EHMT1: variants seen among roughly 807,000 people sequenced by gnomAD.
EHMT1 encodes euchromatic histone lysine methyltransferase 1.
Under a neutral mutation model 147.2 loss-of-function variants are expected in EHMT1, and 15 were observed. The observed-to-expected ratio is 0.10, with a 90% CI of 0.07 to 0.16. The LOEUF (loss-of-function observed/expected upper bound fraction) is 0.16, where lower values mean the gene tolerates loss of function less well. Among genes scored for constraint, EHMT1 ranks in the 10% least tolerant of loss-of-function variants. The pLI is 1.00. For synonymous variants in EHMT1, 795 were observed against 709.6 expected, an observed-to-expected ratio of 1.12 and a Z score of -1.91; for missense variants, 1,587 against 1,772.4, an observed-to-expected ratio of 0.90 and a Z score of 1.88.
chr9:137,623,140 G>T (rs921016700), intron 1 of EHMT1, among the ~76,000 whole-genome samples: 5 of 151,406 alleles, frequency 3.3e-5, no homozygotes, highest in African/African-American at 1.2e-4. Context: ...GTGAACCCGG[G>T]AGGTGGAGCT....
intron 1 of EHMT1, among the ~76,000 whole-genome samples, chr9:137,652,727 CTT>C (rs60537357): frequency 8.9e-5 from 12 of 134,456 alleles, no homozygotes; most frequent in Non-Finnish European, 8.1e-5. Flanking sequence ...AGAAGTTAAA[CTT>C]TTTTTTTTTT....
At chr9:137,684,274 C>G (rs987288783) in intron 1 of EHMT1, among the ~76,000 whole-genome samples, 3 of 152,152 alleles carry the variant, frequency 2.0e-5, no homozygotes, top group Non-Finnish European at 2.9e-5. Flanking sequence ...CTCAAGCAAT[C>G]TGCCCGCCTT....
intron 1 of EHMT1, among the ~76,000 whole-genome samples, chr9:137,688,287 G>T (rs1942633057): frequency 6.6e-6 from 1 of 152,246 alleles, no homozygotes. Flanking sequence ...GCCTTCCAAA[G>T]TGCTGGGATT....
chr9:137,705,758 C>T (rs1944214068), intron 1 of EHMT1, among the ~76,000 whole-genome samples: 1 of 152,202 alleles, frequency 6.6e-6, no homozygotes, highest in South Asian at 2.1e-4. Context: ...AGGCACTGCA[C>T]TCAGTCTCTT....
intron 1 of EHMT1, among the ~76,000 whole-genome samples, chr9:137,628,651 A>G (rs1843420712): frequency 1.3e-5 from 2 of 152,208 alleles, no homozygotes; most frequent in Admixed American, 6.6e-5. Flanking sequence ...TCCTATGAAA[A>G]GGGCTGCCTG....
intron 10 of EHMT1, among the ~76,000 whole-genome samples, chr9:137,768,650 C>A (rs1225580465): frequency 2.8e-5 from 4 of 142,178 alleles, no homozygotes; most frequent in Admixed American, 7.1e-5. Context: ...CCCGGGTTCA[C>A]GCCATTCTCC....
chr9:137,639,503 T>C (rs1390264996), intron 1 of EHMT1, among the ~76,000 whole-genome samples: 1 of 152,230 alleles, frequency 6.6e-6, no homozygotes, highest in Non-Finnish European at 1.5e-5. Context: ...TTATCTTGCG[T>C]GTGTTTATAG....
intron 1 of EHMT1, chr9:137,665,100 C>T (rs1939489191): frequency 1.3e-5 from 2 of 152,160 alleles, no homozygotes; most frequent in Non-Finnish European, 2.9e-5. Flanking sequence ...GTGTTATTTA[C>T]TTTCATGTGA....
chr9:137,722,098 C>T (rs1417101920), intron 3 of EHMT1, among the ~76,000 whole-genome samples: 1 of 152,014 alleles, frequency 6.6e-6, no homozygotes, highest in Admixed American at 6.6e-5. Context: ...TGGATGGCGC[C>T]CCAGTCACAG....
At chr9:137,750,419 TA>T (rs1359497239) in intron 6 of EHMT1, among the ~76,000 whole-genome samples, 1 of 152,162 alleles carries the variant, frequency 6.6e-6, no homozygotes, top group Non-Finnish European at 1.5e-5. Context: ...ATATCAGACC[TA>T]AAAAGTTAGT....
intron 1 of EHMT1, among the ~76,000 whole-genome samples, chr9:137,683,056 T>TAG (rs1942111478): frequency 6.6e-6 from 1 of 152,246 alleles, no homozygotes; most frequent in African/African-American, 2.4e-5. Flanking sequence ...TTTCCACAGC[T>TAG]AGATTCAGTT....
At chr9:137,801,262 G>A (rs1484707766) in intron 18 of EHMT1, among the ~76,000 whole-genome samples, 3 of 152,166 alleles carry the variant, frequency 2.0e-5, no homozygotes, top group African/African-American at 7.2e-5. Flanking sequence ...GGCTGTGCCT[G>A]GGCCTGAGGC....
At chr9:137,747,625 G>A (rs1312198685) in intron 6 of EHMT1, 1 of 152,170 alleles carries the variant, frequency 6.6e-6, no homozygotes, top group Non-Finnish European at 1.5e-5. Context: ...ACGTATATGT[G>A]TTTTTAAAAA....
At chr9:137,784,622 A>C in intron 15 of EHMT1, 1 of 180,716 alleles carries the variant, frequency 5.5e-6, no homozygotes, top group Non-Finnish European at 1.1e-5. Flanking sequence ...TCTCACATGC[A>C]GACTTGACTT....
intron 25 of EHMT1, among the ~76,000 whole-genome samples, chr9:137,823,801 A>G (rs1017480384): frequency 1.4e-5 from 2 of 146,630 alleles, no homozygotes. Context: ...CAGGTGACCC[A>G]CCCGCCTCAG....
At position 137,622,155 on chromosome 9, in the gene EHMT1, A is replaced by G. The variant is rs190760718; in HGVS notation, c.21+3106A>G. On this transcript the variant is annotated intron_variant, in intron 1 of 26. Transcript: ENST00000460843. Reference sequence around the variant, plus strand: ...TCTTTTTGAGAATGAGTCTTGATCTATTGCCCAGGCTGGAGTGCAGTGGCC... The same window carrying G: ...TCTTTTTGAGAATGAGTCTTGATCTGTTGCCCAGGCTGGAGTGCAGTGGCC... Among the ~76,000 whole-genome samples, 127 of 119,774 alleles carry G rather than the reference A, an allele frequency of 1.1e-3. 1 individual carries two copies. In the East Asian group the frequency reaches 0.029, roughly 27 times the overall value. 78.6% of individuals were successfully genotyped at this position (119,774 alleles called of 152,430 possible). A position where few individuals can be genotyped will look rare whatever the true frequency, so the allele number is the denominator to read the frequency against.
At chr9:137,760,780 T>G (rs4979635) in intron 9 of EHMT1, among the ~76,000 whole-genome samples, 11 of 151,910 alleles carry the variant, frequency 7.2e-5, no homozygotes, top group African/African-American at 2.4e-4. Context: ...GAGGCCGAGG[T>G]GGGCAGATCA....
At chr9:137,622,993 G>A (rs1843028112) in intron 1 of EHMT1, among the ~76,000 whole-genome samples, 1 of 151,386 alleles carries the variant, frequency 6.6e-6, no homozygotes, top group African/African-American at 2.4e-5. Context: ...GGTGGATCAC[G>A]AGGTCAGGAG....
At chr9:137,801,725 C>T (rs1325142855) in intron 18 of EHMT1, among the ~76,000 whole-genome samples, 9 of 151,890 alleles carry the variant, frequency 5.9e-5, no homozygotes, top group Non-Finnish European at 1.3e-4. Context: ...TCTTGAACCC[C>T]GACCTCAGGT....
Sources: gnomAD v4.1 joint callset for allele counts (sites outside exome capture counted in the v4.1 genomes callset) on GRCh38, gnomAD v4.1.1 for gene constraint, MANE v1.5 for transcripts, NCBI Gene and HGNC (gene_info 2026-07-23, HGNC 2026-07-21) for gene names.